ADGRB3: variants seen among roughly 807,000 people sequenced by gnomAD.
ADGRB3 encodes adhesion G protein-coupled receptor B3.
A neutral mutation model predicts 193.4 loss-of-function variants in ADGRB3; 37 were observed. That is an observed-to-expected ratio of 0.19 (90% CI 0.15 to 0.25). The LOEUF (loss-of-function observed/expected upper bound fraction) is 0.25, where lower values mean the gene tolerates loss of function less well. Ranked by LOEUF, ADGRB3 falls within the 10% of genes least tolerant of loss-of-function variation. ADGRB3 has a pLI of 1.00. For synonymous variants in ADGRB3, 690 were observed against 644.2 expected (o/e 1.07, Z -1.08); for missense variants, 1,637 against 1,852.9 (o/e 0.88, Z 2.14).
chr6:69,347,765 A>T (rs903464646), intron 26 of ADGRB3, among the ~76,000 whole-genome samples: 3 of 152,124 alleles, frequency 2.0e-5, no homozygotes, highest in Non-Finnish European at 4.4e-5. Context: ...AGCCTGGGTG[A>T]CAGAGTGAGG....
At chr6:68,847,252 G>C (rs550441301) in intron 3 of ADGRB3, among the ~76,000 whole-genome samples, 1 of 152,148 alleles carries the variant, frequency 6.6e-6, no homozygotes, top group Non-Finnish European at 1.5e-5. Flanking sequence ...GACTTGCCTT[G>C]TCTTAGATAA....
At chr6:68,732,681 C>T (rs767932421) in intron 3 of ADGRB3, among the ~76,000 whole-genome samples, 2 of 151,834 alleles carry the variant, frequency 1.3e-5, no homozygotes, top group African/African-American at 4.8e-5. Flanking sequence ...TGAAGGAGAC[C>T]GTGAGACTCC....
At chr6:68,713,449 C>G (rs1250768583) in intron 3 of ADGRB3, among the ~76,000 whole-genome samples, 1 of 151,752 alleles carries the variant, frequency 6.6e-6, no homozygotes, top group Non-Finnish European at 1.5e-5. Context: ...TGGAACCATT[C>G]TGTCCACTAG....
chr6:69,331,354 A>C (rs1403507651), intron 23 of ADGRB3, among the ~76,000 whole-genome samples: 1 of 152,138 alleles, frequency 6.6e-6, no homozygotes, highest in Non-Finnish European at 1.5e-5. Context: ...TGCCCAATAA[A>C]TCTTTAAAGA....
chr6:69,339,843 A>T (rs1768938860), intron 26 of ADGRB3, among the ~76,000 whole-genome samples: 1 of 152,214 alleles, frequency 6.6e-6, no homozygotes, highest in African/African-American at 2.4e-5. Flanking sequence ...TAGAGGCATA[A>T]GTTTTAAAGA....
At chr6:69,045,426 A>G (rs1178578876) in intron 13 of ADGRB3, among the ~76,000 whole-genome samples, 1 of 152,146 alleles carries the variant, frequency 6.6e-6, no homozygotes, top group Non-Finnish European at 1.5e-5. Context: ...TCATCAGTGT[A>G]TGAAAGTATA....
chr6:68,987,355 C>T (rs147913981), intron 10 of ADGRB3, among the ~76,000 whole-genome samples: 27 of 152,090 alleles, frequency 1.8e-4, no homozygotes, highest in East Asian at 3.9e-4. Flanking sequence ...GCTTTAGAAA[C>T]GGTTACACAT....
chr6:68,748,942 C>T (rs529286777), intron 3 of ADGRB3, among the ~76,000 whole-genome samples: 1 of 152,336 alleles, frequency 6.6e-6, no homozygotes, highest in South Asian at 2.1e-4. Flanking sequence ...TGTAAGCCAC[C>T]AAGGCTTAGG....
chr6:69,298,539 G>A (rs989759912), intron 20 of ADGRB3, among the ~76,000 whole-genome samples: 30 of 151,592 alleles, frequency 2.0e-4, no homozygotes, highest in Admixed American at 8.6e-4. Context: ...TACCCTCTCC[G>A]TATTAGCCTG....
chr6:69,001,295 C>T (rs1255596608), intron 11 of ADGRB3, among the ~76,000 whole-genome samples: 1 of 152,202 alleles, frequency 6.6e-6, no homozygotes, highest in Non-Finnish European at 1.5e-5. Context: ...TCTTTATGAT[C>T]TGCATTTTCC....
intron 3 of ADGRB3, among the ~76,000 whole-genome samples, chr6:68,846,617 G>A (rs1768280946): frequency 6.6e-6 from 1 of 152,226 alleles, no homozygotes; most frequent in Non-Finnish European, 1.5e-5. Context: ...CCAAAACCTT[G>A]GCAGCTTCCA....
chr6:69,147,301 G>A (rs970626220), intron 17 of ADGRB3, among the ~76,000 whole-genome samples: 6 of 151,882 alleles, frequency 4.0e-5, no homozygotes, highest in Admixed American at 3.9e-4. Context: ...TTCCCTCTTA[G>A]TACTGATTTC....
At chr6:69,230,201 CT>C (rs1360472995) in intron 17 of ADGRB3, among the ~76,000 whole-genome samples, 4 of 152,140 alleles carry the variant, frequency 2.6e-5, no homozygotes, top group African/African-American at 9.7e-5. Context: ...CATCATCATT[CT>C]GTTTTTGCTT....
intron 3 of ADGRB3, among the ~76,000 whole-genome samples, chr6:68,644,526 C>T (rs909456173): frequency 7.9e-5 from 12 of 152,238 alleles, no homozygotes; most frequent in Non-Finnish European, 1.5e-4. Flanking sequence ...AAATCCTCTC[C>T]TCCACACTTT....
At chr6:68,806,757 G>C (rs1428709963) in intron 3 of ADGRB3, among the ~76,000 whole-genome samples, 1 of 151,858 alleles carries the variant, frequency 6.6e-6, no homozygotes, top group African/African-American at 2.4e-5. Flanking sequence ...ATATACAGTA[G>C]AGTTATCTGC....
At chr6:69,317,250 A>G (rs111660177) in intron 20 of ADGRB3, among the ~76,000 whole-genome samples, 1,614 of 151,642 alleles carry the variant, frequency 0.011, 15 homozygotes, top group Middle Eastern at 0.068. Context: ...ATGAACCAGT[A>G]TATGAGAGTT....
intron 20 of ADGRB3, among the ~76,000 whole-genome samples, chr6:69,299,505 A>G (rs1333628467): frequency 2.0e-5 from 3 of 151,834 alleles, no homozygotes; most frequent in Non-Finnish European, 2.9e-5. Context: ...CAGTAGTTCT[A>G]TAGTTTCGGG....
chr6:68,665,553 G>T (rs528330628), intron 3 of ADGRB3, among the ~76,000 whole-genome samples: 1 of 151,874 alleles, frequency 6.6e-6, no homozygotes, highest in East Asian at 2.0e-4. Flanking sequence ...CTCTGTTGGG[G>T]TTTAATGGAG....
chr6:68,866,922 A>G (rs1056380303), intron 3 of ADGRB3, among the ~76,000 whole-genome samples: 1 of 152,230 alleles, frequency 6.6e-6, no homozygotes, highest in African/African-American at 2.4e-5. Flanking sequence ...ATATAGTCTT[A>G]TGCATTCACA....
Sources: allele counts gnomAD v4.1 joint callset (sites outside exome capture counted in the v4.1 genomes callset), GRCh38; gene constraint gnomAD v4.1.1; transcripts MANE v1.5; gene names NCBI Gene and HGNC (gene_info 2026-07-23, HGNC 2026-07-21).